The following TMEM163 variants were observed in gnomAD, a reference collection of about 807,000 sequenced individuals.
The protein encoded by TMEM163 is transmembrane protein 163.
Under a neutral mutation model 29.3 loss-of-function variants are expected in TMEM163, and 17 were observed. The observed-to-expected ratio is 0.58, with a 90% CI of 0.40 to 0.87. The LOEUF (loss-of-function observed/expected upper bound fraction) is 0.87, where lower values mean the gene tolerates loss of function less well. TMEM163 is among the 40% of genes least tolerant of loss of function. TMEM163 has a pLI of 0.00. For synonymous variants in TMEM163, 157 were observed against 160.6 expected, an observed-to-expected ratio of 0.98 and a Z score of 0.17; for missense variants, 303 against 381.5, an observed-to-expected ratio of 0.79 and a Z score of 1.71.
chr2:134,648,023 C>A (rs983830179), intron 2 of TMEM163, among the ~76,000 whole-genome samples: 1 of 152,190 alleles, frequency 6.6e-6, no homozygotes, highest in Admixed American at 6.5e-5. Flanking sequence ...AGCGTGACAG[C>A]CTTTTGCACC....
At chr2:134,710,717 T>C (rs1684907571) in intron 2 of TMEM163, among the ~76,000 whole-genome samples, 1 of 151,974 alleles carries the variant, frequency 6.6e-6, no homozygotes, top group Admixed American at 6.6e-5. Context: ...CAAGGATGGA[T>C]GCTCTTCCTG....
intron 2 of TMEM163, among the ~76,000 whole-genome samples, chr2:134,577,114 T>A (rs1201364872): frequency 6.6e-6 from 1 of 152,112 alleles, no homozygotes; most frequent in Non-Finnish European, 1.5e-5. Flanking sequence ...CCCAACAGAC[T>A]CTTCTTGAAC....
At chr2:134,618,974 T>C (rs1269406612) in intron 2 of TMEM163, among the ~76,000 whole-genome samples, 1 of 152,060 alleles carries the variant, frequency 6.6e-6, no homozygotes, top group Admixed American at 6.5e-5. Context: ...GTAAGTGAAA[T>C]TGAAATTAAG....
In TMEM163 at chr2:134,592,869, G is replaced by GATATAGATAGATAGAT. The variant is rs147345127; in HGVS notation, c.323-40779_323-40778insATCTATCTATCTATAT. On this transcript the variant is annotated intron_variant, in intron 2 of 7. Coordinates refer to ENST00000281924, the MANE Select transcript of TMEM163 (RefSeq NM_030923.5). ...ATATAGAGATACAGATATTAATATA[G>GATATAGATAGATAGAT]AGATAGATAGATAGATAGATAGACC... Among the ~76,000 whole-genome samples, 224 of 148,202 alleles carry GATATAGATAGATAGAT rather than the reference G, an allele frequency of 1.5e-3. 1 individual carries two copies. The highest frequency in any genetic ancestry group is 3.7e-3 in the African/African-American group (146 of 39,852).
At chr2:134,505,076 T>C (rs753818779) in intron 4 of TMEM163, among the ~76,000 whole-genome samples, 3 of 152,048 alleles carry the variant, frequency 2.0e-5, no homozygotes, top group Non-Finnish European at 4.4e-5. Flanking sequence ...AAAATCAGGA[T>C]AGGCCTCCAA....
At chr2:134,583,565 G>C (rs777402429) in intron 2 of TMEM163, among the ~76,000 whole-genome samples, 1 of 152,154 alleles carries the variant, frequency 6.6e-6, no homozygotes, top group Non-Finnish European at 1.5e-5. Flanking sequence ...ATCTACAATC[G>C]AGAAAGAACT....
chr2:134,636,521 C>G (rs1023041888), intron 2 of TMEM163, among the ~76,000 whole-genome samples: 1 of 152,204 alleles, frequency 6.6e-6, no homozygotes, highest in African/African-American at 2.4e-5. Context: ...AACCTCCAAG[C>G]TGTCCTTGTT....
intron 2 of TMEM163, among the ~76,000 whole-genome samples, chr2:134,609,907 G>T (rs556836925): frequency 1.3e-5 from 2 of 152,150 alleles, no homozygotes; most frequent in Non-Finnish European, 2.9e-5. Flanking sequence ...CCCGAGAACT[G>T]TGCTGGTGAA....
chr2:134,648,161 T>C (rs76510422), intron 2 of TMEM163, among the ~76,000 whole-genome samples: 1 of 152,114 alleles, frequency 6.6e-6, no homozygotes, highest in African/African-American at 2.4e-5. Context: ...GAAAAAGGGA[T>C]GGAGCAGGAA....
intron 4 of TMEM163, among the ~76,000 whole-genome samples, chr2:134,510,506 G>C (rs1413485068): frequency 6.6e-6 from 1 of 152,134 alleles, no homozygotes; most frequent in African/African-American, 2.4e-5. Flanking sequence ...AATGTCAATG[G>C]CCACGAAAGC....
chr2:134,495,588 A>G (rs1482146503), intron 5 of TMEM163, among the ~76,000 whole-genome samples: 3 of 152,202 alleles, frequency 2.0e-5, no homozygotes, highest in Non-Finnish European at 4.4e-5. Flanking sequence ...CTCTGGGAAA[A>G]GTTCTTGGCT....
chr2:134,647,162 C>G (rs1158619988), intron 2 of TMEM163, among the ~76,000 whole-genome samples: 2 of 152,182 alleles, frequency 1.3e-5, no homozygotes, highest in Non-Finnish European at 2.9e-5. Flanking sequence ...GTCCCAATAT[C>G]CTCTACATTG....
At position 134,690,282 on chromosome 2, in the gene TMEM163, C is replaced by T. The variant is rs115586653; in HGVS notation, c.322+22918G>A. Among the ~76,000 whole-genome samples the T allele has an allele frequency of 6.2e-3, 929 of 148,832 alleles. 11 individuals are homozygous for T. The highest frequency in any genetic ancestry group is 0.021 in the African/African-American group (877 of 41,050). On this transcript the variant is annotated intron_variant, in intron 2 of 7. Coordinates refer to ENST00000281924, the MANE Select transcript of TMEM163 (RefSeq NM_030923.5). Reference sequence around the variant, plus strand: ...CCATCAAGTTATCAAACTTTACCTACATCAGCAATTTTTTTTTTTTTGAGA... The same window carrying T: ...CCATCAAGTTATCAAACTTTACCTATATCAGCAATTTTTTTTTTTTTGAGA...
intron 2 of TMEM163, among the ~76,000 whole-genome samples, chr2:134,566,572 A>T (rs71417519): frequency 0.026 from 3,879 of 151,900 alleles, 95 homozygotes; most frequent in African/African-American, 0.048. Context: ...CAAAAAAAAA[A>T]TTTTTTTTGC....
chr2:134,715,020 C>T (rs1475995164), intron 1 of TMEM163, among the ~76,000 whole-genome samples: 1 of 152,082 alleles, frequency 6.6e-6, no homozygotes, highest in African/African-American at 2.4e-5. Context: ...TCCATCATGG[C>T]CAATTGATTT....
At chr2:134,592,426 AT>A (rs1349997261) in intron 2 of TMEM163, among the ~76,000 whole-genome samples, 4 of 151,302 alleles carry the variant, frequency 2.6e-5, no homozygotes, top group African/African-American at 7.3e-5. Flanking sequence ...GGGTTAAAAT[AT>A]TTTTTTTCCT....
At chr2:134,468,858 G>A (rs1227483825) in intron 5 of TMEM163, 1 of 152,218 alleles carries the variant, frequency 6.6e-6, no homozygotes, top group Admixed American at 6.5e-5. Flanking sequence ...CCGACCCAGT[G>A]GCAGTCGTGT....
At chr2:134,477,451 C>T (rs1049710182) in intron 5 of TMEM163, among the ~76,000 whole-genome samples, 3 of 152,116 alleles carry the variant, frequency 2.0e-5, no homozygotes, top group Admixed American at 1.3e-4. Context: ...TTTCAGGAAC[C>T]GTCAGTTTGC....
At chr2:134,671,886 ATAAAAGCAAC>A (rs1684003971) in intron 2 of TMEM163, among the ~76,000 whole-genome samples, 1 of 152,336 alleles carries the variant, frequency 6.6e-6, no homozygotes, top group African/African-American at 2.4e-5. Flanking sequence ...AAATGGGATG[ATAAAAGCAAC>A]TCTTATAGGG....
Sources: allele counts gnomAD v4.1 joint callset (sites outside exome capture counted in the v4.1 genomes callset), GRCh38; gene constraint gnomAD v4.1.1; transcripts MANE v1.5; gene names NCBI Gene and HGNC (gene_info 2026-07-23, HGNC 2026-07-21).